The following PUDP variants were observed in gnomAD, a reference collection of about 807,000 sequenced individuals.
PUDP encodes the protein pseudouridine-5'-phosphatase.
Under a neutral mutation model 9.4 loss-of-function variants are expected in PUDP, and 8 were observed. The ratio of observed to expected loss-of-function variants is 0.85; its 90% confidence interval spans 0.50 to 1.53. The LOEUF is 1.53. PUDP is among the 40% of genes most tolerant of loss of function. The pLI is 0.00. For synonymous variants in PUDP, 99 were observed against 80.7 expected, an observed-to-expected ratio of 1.23 and a Z score of -1.22; for missense variants, 188 against 189.7, an observed-to-expected ratio of 0.99 and a Z score of 0.05.
At chrX:6,891,530 T>A (rs946537782) in intron 3 of PUDP, among the ~76,000 whole-genome samples, 6 of 112,207 alleles carry the variant, frequency 5.3e-5, no homozygotes, top group African/African-American at 1.9e-4. Context: ...GGAGCTGTTC[T>A]CCCCAGCTCC....
chrX:6,836,062 AATTAT>A (rs1423433739), intron 3 of PUDP, among the ~76,000 whole-genome samples: 8 of 110,987 alleles, frequency 7.2e-5, no homozygotes, highest in South Asian at 7.4e-4. Context: ...ATATTATTTT[AATTAT>A]ATTATATTAC....
At chrX:6,785,697 G>A (rs1202375717) in intron 3 of PUDP, among the ~76,000 whole-genome samples, 1 of 110,837 alleles carries the variant, frequency 9.0e-6, no homozygotes, top group Non-Finnish European at 1.9e-5. Flanking sequence ...TGAGCAGTAT[G>A]GCAAACATAT....
chrX:6,975,707 GA>G (rs1367577642), intron 3 of PUDP, among the ~76,000 whole-genome samples: 1 of 111,859 alleles, frequency 8.9e-6, no homozygotes, highest in Non-Finnish European at 1.9e-5. Context: ...CCCACTTGAG[GA>G]GGCTGTCTGA....
chrX:6,756,597 T>A (rs763839541), intron 3 of PUDP, among the ~76,000 whole-genome samples: 50 of 112,230 alleles, frequency 4.5e-4, no homozygotes, highest in Non-Finnish European at 5.8e-4. Flanking sequence ...GTTGTCATTT[T>A]TAAAAGGTGG....
chrX:7,108,483 C>T (rs1251490095), intron 1 of PUDP, among the ~76,000 whole-genome samples: 1 of 110,865 alleles, frequency 9.0e-6, no homozygotes, highest in Non-Finnish European at 1.9e-5. Context: ...CTTCCTTCCT[C>T]CCCCTGTGCA....
chrX:6,881,496 T>G (rs1166439781), intron 3 of PUDP, among the ~76,000 whole-genome samples: 1 of 111,831 alleles, frequency 8.9e-6, no homozygotes, highest in African/African-American at 3.3e-5. Context: ...AATGTGAGGA[T>G]TTCCACTTTG....
At chrX:6,862,921 G>C (rs1160378969) in intron 3 of PUDP, among the ~76,000 whole-genome samples, 1 of 111,895 alleles carries the variant, frequency 8.9e-6, no homozygotes, top group African/African-American at 3.2e-5. Context: ...CCATGCACAT[G>C]ATTTTAAATT....
In PUDP at chrX:6,845,430, T is replaced by C. The variant is rs746656584; in HGVS notation, c.*247+131703A>G. ...ACAAGCTCTTTTTTTGTTGTTTTCT[T>C]GTATGACAATCAACCTCGCAGTCCA... On this transcript the variant is annotated intron_variant and NMD_transcript_variant, in intron 3 of 3. Coordinates refer to the PUDP transcript ENST00000655425. Among the ~76,000 whole-genome samples the C allele has an allele frequency of 1.3e-4, 15 of 112,231 alleles. No individual in the cohort carries two copies. The East Asian group carries it at 3.9e-3, about 29-fold the overall frequency.
At chrX:7,135,998 T>A (rs181080176) in intron 1 of PUDP, among the ~76,000 whole-genome samples, 1 of 111,673 alleles carries the variant, frequency 9.0e-6, no homozygotes, top group Non-Finnish European at 1.9e-5. Flanking sequence ...CACAAAAATG[T>A]CTTTTATAGA....
intron 3 of PUDP, among the ~76,000 whole-genome samples, chrX:6,844,122 G>C (rs142576451): frequency 3.9e-4 from 44 of 112,289 alleles, no homozygotes; most frequent in African/African-American, 1.4e-3. Context: ...GGCTGATTGA[G>C]TGTTTCTCAC....
chrX:6,760,829 C>T (rs773370800), intron 3 of PUDP, among the ~76,000 whole-genome samples: 15 of 112,036 alleles, frequency 1.3e-4, no homozygotes, highest in African/African-American at 3.6e-4. Flanking sequence ...ACTTGTCATA[C>T]GGTAATGATT....
chrX:6,979,732 T>A (rs6530023), intron 1 of PUDP, among the ~76,000 whole-genome samples: 41,538 of 110,304 alleles, frequency 0.38, 5,808 homozygotes, highest in Non-Finnish European at 0.43. Context: ...TGCTTTTTTT[T>A]AATTAATTAA....
chrX:6,781,351 C>T (rs760953005), intron 3 of PUDP, among the ~76,000 whole-genome samples: 7 of 111,794 alleles, frequency 6.3e-5, no homozygotes, highest in Middle Eastern at 4.6e-3. Context: ...TCACCCATTA[C>T]GGCACTCTTT....
chrX:6,713,644 A>T (rs1924560620), intron 1 of PUDP, among the ~76,000 whole-genome samples: 1 of 109,192 alleles, frequency 9.2e-6, no homozygotes, highest in Non-Finnish European at 1.9e-5. Context: ...AAGTGGAGGA[A>T]CATCTATGTA....
At chrX:7,057,636 A>G in intron 3 of PUDP, 1 of 1,121,800 alleles carries the variant, frequency 8.9e-7, no homozygotes, top group Non-Finnish European at 1.2e-6. Flanking sequence ...GTTGGGTTTG[A>G]GGCCATCGTG....
At chrX:7,070,291 A>G (rs1177497355) in intron 3 of PUDP, among the ~76,000 whole-genome samples, 1 of 111,975 alleles carries the variant, frequency 8.9e-6, no homozygotes, top group East Asian at 2.8e-4. Flanking sequence ...GGAGAAAGGG[A>G]AATGAAATAA....
intron 1 of PUDP, among the ~76,000 whole-genome samples, chrX:6,713,245 GCA>G (rs779580317): frequency 8.9e-6 from 1 of 111,749 alleles, no homozygotes; most frequent in African/African-American, 3.3e-5. Context: ...TCCATTTGAA[GCA>G]CAGTGTCTAG....
intron 1 of PUDP, among the ~76,000 whole-genome samples, chrX:6,986,474 C>G (rs1929104979): frequency 9.0e-6 from 1 of 111,521 alleles, no homozygotes; most frequent in African/African-American, 3.3e-5. Flanking sequence ...GCTTTCATTA[C>G]AGTGAAAAAC....
intron 2 of PUDP, among the ~76,000 whole-genome samples, chrX:7,086,055 C>A (rs1481707460): frequency 1.8e-5 from 2 of 111,739 alleles, no homozygotes; most frequent in East Asian, 5.6e-4. Flanking sequence ...AAACCCTCTT[C>A]CTGCTTTCTG....
Sources: gnomAD v4.1 joint callset for allele counts (sites outside exome capture counted in the v4.1 genomes callset) on GRCh38, gnomAD v4.1.1 for gene constraint, MANE v1.5 for transcripts, NCBI Gene and HGNC (gene_info 2026-07-23, HGNC 2026-07-21) for gene names.